Variants in DTD1 observed in about 807,000 individuals in gnomAD.
The protein encoded by DTD1 is D-aminoacyl-tRNA deacylase 1, also known as D-tyrosyl-tRNA deacylase 1 homolog.
A neutral mutation model predicts 25.6 loss-of-function variants in DTD1; 13 were observed. The observed-to-expected ratio is 0.51, with a 90% CI of 0.33 to 0.81. The LOEUF (loss-of-function observed/expected upper bound fraction) is 0.81, where lower values mean the gene tolerates loss of function less well. Among genes scored for constraint, DTD1 ranks in the 30% least tolerant of loss-of-function variants. The pLI is 0.02. For synonymous variants in DTD1, 110 were observed against 103.6 expected (o/e 1.06, Z -0.37); for missense variants, 193 against 266.4 (o/e 0.72, Z 1.92).
At chr20:18,736,987 G>T (rs1426430071) in intron 4 of DTD1, among the ~76,000 whole-genome samples, 1 of 152,204 alleles carries the variant, frequency 6.6e-6, no homozygotes, top group African/African-American at 2.4e-5. Context: ...CTGTGTCCAA[G>T]CCTGCCCTGC....
At chr20:18,624,747 AGCAAAGTTT>A (rs1157332910) in intron 3 of DTD1, among the ~76,000 whole-genome samples, 1 of 152,186 alleles carries the variant, frequency 6.6e-6, no homozygotes, top group Non-Finnish European at 1.5e-5. Context: ...GAGATGTCTG[AGCAAAGTTT>A]GATAATCAGG....
chr20:18,670,668 G>T (rs1163822332), intron 4 of DTD1, among the ~76,000 whole-genome samples: 1 of 152,194 alleles, frequency 6.6e-6, no homozygotes, highest in African/African-American at 2.4e-5. Context: ...AAGAAGCTTT[G>T]TGTCACTGGA....
At chr20:18,593,597 G>A (rs1289569146) in intron 1 of DTD1, 134 bp from the exon 2 acceptor site, 13 of 633,194 alleles carry the variant, frequency 2.1e-5, no homozygotes, top group Non-Finnish European at 3.2e-5. Context: ...TTTCATTTTC[G>A]AATACGTACT....
chr20:18,753,924 T>C (rs2061329965), intron 5 of DTD1, among the ~76,000 whole-genome samples: 1 of 152,166 alleles, frequency 6.6e-6, no homozygotes, highest in African/African-American at 2.4e-5. Context: ...AATCTAACAG[T>C]GCTAGAAGGT....
chr20:18,636,730 G>C (rs184027035), intron 4 of DTD1, among the ~76,000 whole-genome samples: 16 of 152,232 alleles, frequency 1.1e-4, no homozygotes, highest in African/African-American at 3.9e-4. Flanking sequence ...CTTTTGCTGG[G>C]AAAAAGGGGA....
chr20:18,635,990 T>A (rs749691864), intron 4 of DTD1, among the ~76,000 whole-genome samples: 177 of 152,224 alleles, frequency 1.2e-3, no homozygotes, highest in Non-Finnish European at 2.1e-3. Flanking sequence ...ACATTTCTAA[T>A]CTCCAACCAG....
chr20:18,676,327 T>A (rs1294904477), intron 4 of DTD1, among the ~76,000 whole-genome samples: 1 of 152,174 alleles, frequency 6.6e-6, no homozygotes, highest in Non-Finnish European at 1.5e-5. Context: ...TGTGAATGTT[T>A]GCCAATTTGG....
At chr20:18,649,559 A>G (rs183285584) in intron 4 of DTD1, among the ~76,000 whole-genome samples, 21 of 151,794 alleles carry the variant, frequency 1.4e-4, no homozygotes, top group East Asian at 5.8e-4. Context: ...GGATGGTCTC[A>G]ATCTCCTGAC....
At chr20:18,707,271 C>T (rs558998085) in intron 4 of DTD1, among the ~76,000 whole-genome samples, 1 of 152,206 alleles carries the variant, frequency 6.6e-6, no homozygotes, top group African/African-American at 2.4e-5. Flanking sequence ...AATGCAGAGA[C>T]CTGTTTCATC....
chr20:18,591,832 A>C (rs1041818322), intron 1 of DTD1, among the ~76,000 whole-genome samples: 2 of 152,204 alleles, frequency 1.3e-5, no homozygotes, highest in African/African-American at 4.8e-5. Context: ...CCAACCCCCA[A>C]TTGTTTACTG....
intron 4 of DTD1, among the ~76,000 whole-genome samples, chr20:18,633,660 G>T (rs767322596): frequency 6.6e-6 from 1 of 152,200 alleles, no homozygotes; most frequent in Non-Finnish European, 1.5e-5. Context: ...CCTCCCAGGG[G>T]ACCGGAGGTT....
chr20:18,719,798 G>A (rs1363939341), intron 4 of DTD1, among the ~76,000 whole-genome samples: 2 of 152,198 alleles, frequency 1.3e-5, no homozygotes, highest in East Asian at 3.8e-4. Flanking sequence ...TCTGTGGCAA[G>A]GCATTTTTAA....
At chr20:18,712,378 CTG>C (rs1432570460) in intron 4 of DTD1, among the ~76,000 whole-genome samples, 1 of 110,044 alleles carries the variant, frequency 9.1e-6, no homozygotes, top group Non-Finnish European at 1.7e-5. Context: ...TTCATAAGTA[CTG>C]TGTGTGTGTT....
At chr20:18,732,560 G>A (rs879479677) in intron 4 of DTD1, among the ~76,000 whole-genome samples, 4 of 152,144 alleles carry the variant, frequency 2.6e-5, no homozygotes, top group Admixed American at 6.5e-5. Flanking sequence ...TCTCTTTGAC[G>A]TTTTACCATT....
At chr20:18,606,490 G>GCGGC (rs989673576) in intron 3 of DTD1, among the ~76,000 whole-genome samples, 1 of 113,732 alleles carries the variant, frequency 8.8e-6, no homozygotes, top group African/African-American at 3.3e-5. Flanking sequence ...TATGTTTATT[G>GCGGC]CGGCATTATT....
At chr20:18,727,885 C>A (rs577136714) in intron 4 of DTD1, among the ~76,000 whole-genome samples, 1 of 152,314 alleles carries the variant, frequency 6.6e-6, no homozygotes, top group Non-Finnish European at 1.5e-5. Context: ...ACTTCACTCA[C>A]CCACCTAGCG....
chr20:18,706,935 G>A (rs752860206), intron 4 of DTD1, among the ~76,000 whole-genome samples: 29 of 152,204 alleles, frequency 1.9e-4, no homozygotes, highest in Non-Finnish European at 3.8e-4. Flanking sequence ...GCCTTTCTGA[G>A]TGTTGGCATT....
intron 4 of DTD1, among the ~76,000 whole-genome samples, chr20:18,742,697 A>G (rs377663244): frequency 6.6e-6 from 1 of 152,116 alleles, no homozygotes; most frequent in East Asian, 1.9e-4. Context: ...TGGTGCCAAA[A>G]ATGTTGGGGA....
chr20:18,658,981 T>C (rs936418568), intron 4 of DTD1, among the ~76,000 whole-genome samples: 2 of 152,160 alleles, frequency 1.3e-5, no homozygotes, highest in African/African-American at 4.8e-5. Flanking sequence ...ATTTGTGCAC[T>C]CTGTAGAAAG....
Sources: allele counts gnomAD v4.1 joint callset (sites outside exome capture counted in the v4.1 genomes callset), GRCh38; gene constraint gnomAD v4.1.1; transcripts MANE v1.5; gene names NCBI Gene and HGNC (gene_info 2026-07-23, HGNC 2026-07-21).